The following RIMS2 variants were observed in gnomAD, a reference collection of about 807,000 sequenced individuals.
The protein encoded by RIMS2 is regulating synaptic membrane exocytosis protein 2.
RIMS2 carries 59 observed loss-of-function variants against 174.4 expected under a neutral mutation model. The observed-to-expected ratio is 0.34, with a 90% CI of 0.27 to 0.42. The LOEUF is 0.42. RIMS2 is among the 10% of genes least tolerant of loss of function. The pLI, the probability that RIMS2 is intolerant of heterozygous loss-of-function variation, is 1.00. For missense variants in RIMS2, 1,620 were observed against 1,666.3 expected, an observed-to-expected ratio of 0.97 and a Z score of 0.48; for synonymous variants, 606 against 572.5, an observed-to-expected ratio of 1.06 and a Z score of -0.84.
chr8:104,114,368 G>A (rs920073907), intron 19 of RIMS2, among the ~76,000 whole-genome samples: 17 of 151,772 alleles, frequency 1.1e-4, no homozygotes, highest in African/African-American at 3.9e-4. Context: ...AGTACATAAT[G>A]CATTCATCTT....
At chr8:103,636,308 G>T (rs1453465915) in intron 1 of RIMS2, among the ~76,000 whole-genome samples, 1 of 152,178 alleles carries the variant, frequency 6.6e-6, no homozygotes, top group Non-Finnish European at 1.5e-5. Flanking sequence ...CTCCCAGTTT[G>T]CTGGAACTGC....
At chr8:104,250,292 A>G (rs1056764726) in intron 22 of RIMS2, among the ~76,000 whole-genome samples, 1 of 152,124 alleles carries the variant, frequency 6.6e-6, no homozygotes, top group African/African-American at 2.4e-5. Context: ...CAACTTTTCT[A>G]TTTCTAGCTT....
chr8:104,188,587 T>C (rs945506543), intron 19 of RIMS2, among the ~76,000 whole-genome samples: 2 of 151,868 alleles, frequency 1.3e-5, no homozygotes, highest in Admixed American at 1.3e-4. Flanking sequence ...CAATGTTTTT[T>C]GTAGTAGGCA....
intron 1 of RIMS2, among the ~76,000 whole-genome samples, chr8:103,607,065 G>C (rs952203525): frequency 6.6e-6 from 1 of 151,622 alleles, no homozygotes; most frequent in African/African-American, 2.4e-5. Context: ...TGGTTATTTT[G>C]CTCGTTAGTT....
chr8:103,639,006 C>T (rs1215206136), intron 1 of RIMS2, among the ~76,000 whole-genome samples: 2 of 151,940 alleles, frequency 1.3e-5, no homozygotes, highest in African/African-American at 4.8e-5. Context: ...TTCATTCTAG[C>T]CTCCTCTCTT....
At chr8:104,194,423 A>G (rs1174117763) in intron 19 of RIMS2, among the ~76,000 whole-genome samples, 6 of 152,234 alleles carry the variant, frequency 3.9e-5, no homozygotes, top group Admixed American at 2.6e-4. Flanking sequence ...ACATCTTTAA[A>G]TAAAGACTGA....
At chr8:103,787,681 C>A (rs933863491) in intron 3 of RIMS2, among the ~76,000 whole-genome samples, 1 of 152,122 alleles carries the variant, frequency 6.6e-6, no homozygotes, top group Non-Finnish European at 1.5e-5. Context: ...GTAACCCGAC[C>A]TTTCTCTCTG....
chr8:104,140,095 C>T (rs2098553671), intron 19 of RIMS2, among the ~76,000 whole-genome samples: 1 of 152,140 alleles, frequency 6.6e-6, no homozygotes, highest in Non-Finnish European at 1.5e-5. Context: ...ACCATCTTCG[C>T]ATCGCTAGGA....
chr8:103,562,583 TTGAG>T (rs1466802655), intron 1 of RIMS2, among the ~76,000 whole-genome samples: 1 of 152,164 alleles, frequency 6.6e-6, no homozygotes, highest in Non-Finnish European at 1.5e-5. Context: ...TGGGCTGGCA[TTGAG>T]TGTCTGCGGC....
intron 4 of RIMS2, among the ~76,000 whole-genome samples, chr8:103,901,999 G>A (rs906262757): frequency 1.3e-5 from 2 of 152,184 alleles, no homozygotes; most frequent in Non-Finnish European, 1.5e-5. Flanking sequence ...TGTTGGTTAG[G>A]AGTCTTAGCA....
chr8:103,862,067 G>T lies in RIMS2; in HGVS notation c.699-23231G>T, dbSNP rs1282194354. ...TCTTTGCCTAGGCCAATGTCTGAAA[G>T]AATTTTTCCTAGGCTGTTTTCTAGG... On this transcript the variant is annotated intron_variant, in intron 3 of 23. Transcript: ENST00000504942. Among the ~76,000 whole-genome samples the T allele has an allele frequency of 1.3e-5, 2 of 152,044 alleles. 1 individual carries two copies. Among genetic ancestry groups the T allele is most frequent in the African/African-American group, 4.8e-5 (2 of 41,442 alleles).
At chr8:103,794,269 AAG>A (rs1314943964) in intron 3 of RIMS2, among the ~76,000 whole-genome samples, 3 of 152,216 alleles carry the variant, frequency 2.0e-5, no homozygotes, top group African/African-American at 7.2e-5. Context: ...AGCCCTCAGA[AAG>A]AATACCACAC....
chr8:103,571,078 G>A (rs1179244173), intron 1 of RIMS2, among the ~76,000 whole-genome samples: 1 of 151,712 alleles, frequency 6.6e-6, no homozygotes, highest in Non-Finnish European at 1.5e-5. Context: ...TTTCTTGTCT[G>A]TTATGATCTG....
intron 1 of RIMS2, among the ~76,000 whole-genome samples, chr8:103,619,661 T>C (rs1420761336): frequency 6.6e-6 from 1 of 152,088 alleles, no homozygotes; most frequent in South Asian, 2.1e-4. Flanking sequence ...GAGAAAGACT[T>C]CTACTCTCTG....
intron 1 of RIMS2, among the ~76,000 whole-genome samples, chr8:103,665,105 A>G (rs564088060): frequency 1.1e-3 from 167 of 152,336 alleles, no homozygotes; most frequent in Admixed American, 2.3e-3. Flanking sequence ...GGTGGGGAAC[A>G]TCACATACCA....
In RIMS2 at chr8:104,244,906, A is replaced by C. The variant is rs779249372; in HGVS notation, c.3335-10A>C. The C allele has an allele frequency of 2.5e-6, 4 of 1,610,912 alleles. No individual in the cohort carries two copies. The highest frequency in any genetic ancestry group is 1.7e-5 in the Admixed American group (1 of 59,624). On this transcript the variant is annotated splice_polypyrimidine_tract_variant and intron_variant, in intron 19 of 23. Coordinates refer to ENST00000504942, the Ensembl canonical transcript of RIMS2. Reference sequence around the variant, plus strand: ...CAAAGCTGTTACACTTTTTGTTTCTATCTCTGCAGAAGCAGGAGGTAAAAA... The same window carrying C: ...CAAAGCTGTTACACTTTTTGTTTCTCTCTCTGCAGAAGCAGGAGGTAAAAA...
At chr8:103,676,462 T>G (rs542276751) in intron 1 of RIMS2, among the ~76,000 whole-genome samples, 1 of 152,170 alleles carries the variant, frequency 6.6e-6, no homozygotes, top group Non-Finnish European at 1.5e-5. Context: ...TATAAACACT[T>G]TATCCAGAAT....
chr8:103,781,983 G>A (rs993361302), intron 3 of RIMS2, among the ~76,000 whole-genome samples: 10 of 151,688 alleles, frequency 6.6e-5, no homozygotes, highest in South Asian at 6.2e-4. Context: ...CCTGACCTCC[G>A]GTGATCCGCC....
intron 19 of RIMS2, among the ~76,000 whole-genome samples, chr8:104,180,559 A>G (rs1048492139): frequency 6.6e-6 from 1 of 151,524 alleles, no homozygotes; most frequent in Non-Finnish European, 1.5e-5. Context: ...AGAAGAAGCA[A>G]TTTTTTCCTT....
Sources: gnomAD v4.1 joint callset for allele counts (sites outside exome capture counted in the v4.1 genomes callset) on GRCh38, gnomAD v4.1.1 for gene constraint, MANE v1.5 for transcripts, NCBI Gene and HGNC (gene_info 2026-07-23, HGNC 2026-07-21) for gene names.